The following EHMT1 variants were observed in gnomAD, a reference collection of about 807,000 sequenced individuals.
EHMT1 encodes the protein histone-lysine N-methyltransferase EHMT1.
Under a neutral mutation model 147.2 loss-of-function variants are expected in EHMT1, and 15 were observed. That is an observed-to-expected ratio of 0.10 (90% confidence interval 0.07 to 0.16). EHMT1 has a LOEUF of 0.16. Among genes scored for constraint, EHMT1 ranks in the 10% least tolerant of loss-of-function variants. The probability of loss-of-function intolerance (pLI) is 1.00; values close to 1 mark genes in which losing one functional copy is unlikely to be tolerated. For missense variants in EHMT1, 1,587 were observed against 1,772.4 expected, an observed-to-expected ratio of 0.90 and a Z score of 1.88; for synonymous variants, 795 against 709.6, an observed-to-expected ratio of 1.12 and a Z score of -1.91.
chr9:137,708,755 A>G, intron 1 of EHMT1, among the ~76,000 whole-genome samples: 1 of 152,210 alleles, frequency 6.6e-6, no homozygotes, highest in Non-Finnish European at 1.5e-5. Flanking sequence ...TCCAGGTCTG[A>G]CTGAGTGGCA....
chr9:137,823,319 C>G (rs1405083634), intron 25 of EHMT1, among the ~76,000 whole-genome samples: 2 of 150,794 alleles, frequency 1.3e-5, no homozygotes, highest in Non-Finnish European at 3.0e-5. Context: ...AGGATGGTCT[C>G]GATCTCCTGA....
At chr9:137,795,064 T>G (rs1011542487) in intron 16 of EHMT1, 1 of 152,206 alleles carries the variant, frequency 6.6e-6, no homozygotes, top group African/African-American at 2.4e-5. Context: ...AAGTCTTCAC[T>G]TAACACTGTT....
At chr9:137,755,176 A>G (rs1470743397) in intron 8 of EHMT1, among the ~76,000 whole-genome samples, 1 of 152,226 alleles carries the variant, frequency 6.6e-6, no homozygotes, top group Non-Finnish European at 1.5e-5. Flanking sequence ...CCACAGTCAG[A>G]TGATCAGTGC....
intron 1 of EHMT1, among the ~76,000 whole-genome samples, chr9:137,636,896 CTTT>C (rs35700929): frequency 9.1e-5 from 11 of 120,968 alleles, no homozygotes; most frequent in African/African-American, 2.5e-4. Context: ...CAGTTTCACT[CTTT>C]TTTTTTTTTT....
intron 1 of EHMT1, among the ~76,000 whole-genome samples, chr9:137,632,510 C>A (rs1843698827): frequency 6.6e-6 from 1 of 152,146 alleles, no homozygotes; most frequent in African/African-American, 2.4e-5. Flanking sequence ...CTCGAGCAGT[C>A]CTCCCGCCTC....
At chr9:137,661,806 T>G (rs1248063261) in intron 1 of EHMT1, among the ~76,000 whole-genome samples, 2 of 151,596 alleles carry the variant, frequency 1.3e-5, no homozygotes, top group African/African-American at 4.9e-5. Context: ...AAATCTATTT[T>G]TTTTCTCTTT....
intron 1 of EHMT1, among the ~76,000 whole-genome samples, chr9:137,681,403 C>T (rs4979639): frequency 7.9e-5 from 12 of 152,118 alleles, no homozygotes; most frequent in Non-Finnish European, 1.6e-4. Flanking sequence ...TTCTTTTGGC[C>T]TATAAAATAT....
intron 3 of EHMT1, among the ~76,000 whole-genome samples, chr9:137,725,198 G>GTGTGGCCTTCGTGGGGCAGGTA: frequency 6.7e-6 from 1 of 148,658 alleles, no homozygotes; most frequent in Non-Finnish European, 1.5e-5. Flanking sequence ...TGGGGCAGGT[G>GTGTGGCCTTCGTGGGGCAGGTA]TGTGGCCTTC....
At chr9:137,758,849 T>A (rs549402737) in intron 9 of EHMT1, among the ~76,000 whole-genome samples, 1 of 152,184 alleles carries the variant, frequency 6.6e-6, no homozygotes, top group South Asian at 2.1e-4. Flanking sequence ...CTAGTCCGGC[T>A]GGGCGCGGTG....
intron 3 of EHMT1, among the ~76,000 whole-genome samples, chr9:137,721,003 C>T (rs1032937666): frequency 4.6e-5 from 7 of 151,982 alleles, no homozygotes; most frequent in African/African-American, 1.7e-4. Context: ...CCTTTCTCCC[C>T]TCCTCGCCGG....
intron 1 of EHMT1, among the ~76,000 whole-genome samples, chr9:137,699,527 G>A (rs1177252402): frequency 6.6e-6 from 1 of 152,112 alleles, no homozygotes; most frequent in Non-Finnish European, 1.5e-5. Flanking sequence ...ACAAAAATTA[G>A]CCAGGCTCTA....
chr9:137,742,551 TA>T (rs934407295), intron 4 of EHMT1, among the ~76,000 whole-genome samples: 3 of 152,004 alleles, frequency 2.0e-5, no homozygotes, highest in Non-Finnish European at 2.9e-5. Flanking sequence ...TCCTGGAACT[TA>T]AAAAAAGTCA....
chr9:137,632,441 G>GT (rs1183900944), intron 1 of EHMT1, among the ~76,000 whole-genome samples: 1 of 151,908 alleles, frequency 6.6e-6, no homozygotes, highest in Non-Finnish European at 1.5e-5. Context: ...TCTTTTTTTT[G>GT]TTTTTGTTTT....
intron 1 of EHMT1, chr9:137,666,978 A>C (rs1420121611): frequency 6.6e-6 from 1 of 152,204 alleles, no homozygotes; most frequent in Non-Finnish European, 1.5e-5. Context: ...CTTCGAACAA[A>C]AGGGTGGGGG....
chr9:137,777,976 G>A lies in EHMT1; in HGVS notation c.2113G>A (p.Gly705Arg). 6.2e-7 allele frequency: 1 copy of A among 1,613,816 alleles called. No homozygotes were observed. Among genetic ancestry groups the A allele is most frequent in the Non-Finnish European group, 8.5e-7 (1 of 1,180,014 alleles). The change falls in exon 13 of 27, where the codon GGG becomes AGG. Residue 705 changes from glycine to arginine, a missense_variant. By Grantham distance (125) the Gly-to-Arg change is moderately radical. This residue lies in a region of EHMT1 where 77 missense variants were observed against 79.3 expected (regional missense o/e 0.97). Transcript: ENST00000460843. ...GFDPTGPAGL[G>R]RPTPGLSQGP... ...TGATCCAACGGGACCTGCTGGGCTTGGGAGGCCAACTCCCGGCCTTTCCCA... is the reference window on the plus strand; with the variant it reads ...TGATCCAACGGGACCTGCTGGGCTTAGGAGGCCAACTCCCGGCCTTTCCCA...
At chr9:137,620,305 G>T (rs895122424) in intron 1 of EHMT1, among the ~76,000 whole-genome samples, 2 of 152,208 alleles carry the variant, frequency 1.3e-5, no homozygotes, top group African/African-American at 4.8e-5. Flanking sequence ...TATCATTTAT[G>T]AAGTACCCAC....
chr9:137,633,917 G>A (rs150171591), intron 1 of EHMT1, among the ~76,000 whole-genome samples: 1,799 of 151,324 alleles, frequency 0.012, 29 homozygotes, highest in African/African-American at 0.041. Flanking sequence ...GGGTTCAAGC[G>A]ATTCCCCTGC....
intron 1 of EHMT1, among the ~76,000 whole-genome samples, chr9:137,670,954 TCTTGG>T (rs1386947165): frequency 1.3e-5 from 2 of 152,174 alleles, no homozygotes; most frequent in African/African-American, 2.4e-5. Flanking sequence ...GGCCTGTGGG[TCTTGG>T]CTTGGCTTTG....
chr9:137,619,752 G>A (rs903068027), intron 1 of EHMT1, among the ~76,000 whole-genome samples: 1 of 152,000 alleles, frequency 6.6e-6, no homozygotes, highest in Non-Finnish European at 1.5e-5. Flanking sequence ...GGCCTTCCCC[G>A]TGCTCATTCT....
Sources: allele counts gnomAD v4.1 joint callset (sites outside exome capture counted in the v4.1 genomes callset), GRCh38; gene constraint gnomAD v4.1.1; regional missense constraint gnomAD v4.1.1; transcripts MANE v1.5; gene names NCBI Gene and HGNC (gene_info 2026-07-23, HGNC 2026-07-21).